Variants in KCNIP2 observed in about 807,000 individuals in gnomAD.
KCNIP2 encodes potassium voltage-gated channel interacting protein 2.
A neutral mutation model predicts 39.0 loss-of-function variants in KCNIP2; 19 were observed. That is an observed-to-expected ratio of 0.49 (90% CI 0.34 to 0.71). The LOEUF (loss-of-function observed/expected upper bound fraction) is 0.71, where lower values mean the gene tolerates loss of function less well. Among genes scored for constraint, KCNIP2 ranks in the 30% least tolerant of loss-of-function variants. KCNIP2 has a pLI of 0.01. For missense variants in KCNIP2, 261 were observed against 346.0 expected, an observed-to-expected ratio of 0.75 and a Z score of 1.95; for synonymous variants, 111 against 131.2, an observed-to-expected ratio of 0.85 and a Z score of 1.05.
chr10:101,827,068 G>A lies in KCNIP2; in HGVS notation c.*285C>T. On this transcript the variant is annotated 3_prime_UTR_variant, in exon 10 of 10. Transcript: ENST00000356640. The stretch of plus-strand genomic sequence containing the variant: ...TTCTAGAGTAGGGGTAGGAGGTGGG[G>A]AACCGCTCAATTCCTACAGGAGGGG... 2.2e-6 allele frequency: 1 copy of A among 452,866 alleles called. No homozygotes were observed. The highest frequency in any genetic ancestry group is 3.5e-6 in the Non-Finnish European group (1 of 287,008). 28.1% of individuals were successfully genotyped at this position (452,866 alleles called of 1,614,324 possible).
At chr10:101,839,960 G>A (rs1288530679) in intron 1 of KCNIP2, 16 of 865,534 alleles carry the variant, frequency 1.8e-5, no homozygotes, top group Non-Finnish European at 2.5e-5. Flanking sequence ...GCAGGCATAG[G>A]ATCGAAACCC....
intron 1 of KCNIP2, chr10:101,839,924 G>T: frequency 7.2e-7 from 1 of 1,385,034 alleles, no homozygotes; most frequent in South Asian, 1.4e-5. Context: ...GTAGGCCCGC[G>T]TGGGCGGCGC....
In KCNIP2 at chr10:101,828,401, C is replaced by A; in HGVS notation, c.477G>T (p.Ser159=). 1 of 1,614,112 alleles carries A rather than the reference C, an allele frequency of 6.2e-7. No individual in the cohort carries two copies. The highest frequency in any genetic ancestry group is 1.1e-5 in the South Asian group (1 of 91,026). ...FNAFDTNHDG[S]VSFEDFVAGL... Reference sequence around the variant, plus strand: ...TCGCCCAGCTCACCTCAAAACTGACCGAGCCATCATGGTTGGTGTCAAAGG... The same window carrying A: ...TCGCCCAGCTCACCTCAAAACTGACAGAGCCATCATGGTTGGTGTCAAAGG... Residue 159 remains serine, a synonymous_variant, in exon 6 of 10, where the codon TCG becomes TCT. Transcript: ENST00000356640. The surrounding 1 kb of genome is among the most constrained non-coding windows in gnomAD (Gnocchi z 6.6).
intron 1 of KCNIP2, among the ~76,000 whole-genome samples, chr10:101,840,250 G>A (rs1200447465): frequency 7.2e-6 from 1 of 138,508 alleles, no homozygotes; most frequent in Admixed American, 7.2e-5. Context: ...CCCGCACCCT[G>A]CACCCCGCCC....
intron 1 of KCNIP2, among the ~76,000 whole-genome samples, chr10:101,833,126 G>T (rs538772829): frequency 1.6e-4 from 24 of 151,994 alleles, no homozygotes; most frequent in Non-Finnish European, 2.9e-4. Flanking sequence ...GTTCTTCCAG[G>T]TATCTACCCT....
rs1468897570 is a variant in KCNIP2, at chr10:101,828,759, C to G, written c.349-63G>C. On this transcript the variant is annotated intron_variant, in intron 4 of 9. Transcript: ENST00000356640. This position sits in a 1 kb window ranked among gnomAD's most constrained non-coding sequence, Gnocchi z 6.6. Reference sequence around the variant, plus strand: ...AATCCCCTTCCGTTCACCGCCCCCACCCTCCATGGCCCAAGACTCCCAGGG... The same window carrying G: ...AATCCCCTTCCGTTCACCGCCCCCAGCCTCCATGGCCCAAGACTCCCAGGG... 1 of 1,613,042 alleles carries G rather than the reference C, an allele frequency of 6.2e-7. No homozygotes were observed.
At position 101,828,328 on chromosome 10, in the gene KCNIP2, TG is replaced by T; in HGVS notation, c.489+60del. 1 of 1,609,956 alleles carries T rather than the reference TG, an allele frequency of 6.2e-7. No homozygotes were observed. ...CCCAACTCCTTCTCTGGGTTTGGCC[TG>T]GAGATCCTGGCCCTGAACTCCAGGA... On this transcript the variant is annotated intron_variant, in intron 6 of 9. Transcript: ENST00000356640. This position sits in a 1 kb window ranked among gnomAD's most constrained non-coding sequence, Gnocchi z 6.6.
At chr10:101,834,268 T>A (rs890245790) in intron 1 of KCNIP2, 13 of 399,072 alleles carry the variant, frequency 3.3e-5, no homozygotes, top group Non-Finnish European at 5.3e-5. Context: ...CTGGATTACC[T>A]TCCAAGGAGA....
At chr10:101,841,095 G>C (rs911760836) in intron 1 of KCNIP2, among the ~76,000 whole-genome samples, 16 of 152,218 alleles carry the variant, frequency 1.1e-4, no homozygotes, top group African/African-American at 3.6e-4. Flanking sequence ...GGCTCGGACT[G>C]TTTTTTGTTT....
At chr10:101,836,114 C>G (rs1209606455) in intron 1 of KCNIP2, among the ~76,000 whole-genome samples, 5 of 152,142 alleles carry the variant, frequency 3.3e-5, no homozygotes, top group Non-Finnish European at 5.9e-5. Context: ...GGGCCAGTCC[C>G]TAAGGCCCCA....
At chr10:101,839,871 C>T in intron 1 of KCNIP2, 1 of 1,564,852 alleles carries the variant, frequency 6.4e-7, no homozygotes, top group Non-Finnish European at 8.6e-7. Flanking sequence ...GTCTAAGCTC[C>T]ACCCCCAGGC....
At chr10:101,839,469 C>A (rs191515960) in intron 1 of KCNIP2, among the ~76,000 whole-genome samples, 3 of 152,274 alleles carry the variant, frequency 2.0e-5, no homozygotes, top group Admixed American at 2.0e-4. Flanking sequence ...AAGGCCCCCT[C>A]CTCTGCCTTC....
At chr10:101,833,223 C>T (rs1348700885) in intron 1 of KCNIP2, among the ~76,000 whole-genome samples, 2 of 150,926 alleles carry the variant, frequency 1.3e-5, no homozygotes, top group Non-Finnish European at 3.0e-5. Context: ...CAGTTCTAGC[C>T]GTGAAGAGGA....
In KCNIP2 at chr10:101,843,307, C is replaced by T. The variant is rs1246643568; in HGVS notation, c.73+189G>A. On this transcript the variant is annotated intron_variant, in intron 1 of 9. Coordinates refer to ENST00000356640, the MANE Select transcript of KCNIP2 (RefSeq NM_173191.3). This position sits in a 1 kb window ranked among gnomAD's most constrained non-coding sequence, Gnocchi z 6.7. ...TGCTGCCTCTCCACACCTGCCTCTTCTGTTCCTCCCCAACCCCTGCGGGAC... is the reference window on the plus strand; with the variant it reads ...TGCTGCCTCTCCACACCTGCCTCTTTTGTTCCTCCCCAACCCCTGCGGGAC... Among the ~76,000 whole-genome samples the T allele has an allele frequency of 6.6e-6, 1 of 152,240 alleles. No individual in the cohort carries two copies.
rs2065789685 is a variant in KCNIP2, at chr10:101,827,692, T to G, written c.762A>C (p.Gln254His). 1.1e-5 allele frequency: 18 copies of G among 1,614,124 alleles called. No individual in the cohort carries two copies. The East Asian group carries it at 3.8e-4, about 34-fold the overall frequency. The change falls in exon 9 of 10, where the codon CAA becomes CAC. Residue 254 changes from glutamine (Q) to histidine (H), a missense_variant. Coordinates refer to ENST00000356640, the MANE Select transcript of KCNIP2 (RefSeq NM_173191.3). ...VTIEEFIESC[Q>H]KDENIMRSMQ... ...TGTAGAGGGCAGGGAGCTGTACCTT[T>G]TGACAAGACTCAATGAATTCCTCAA...
At chr10:101,829,317 C>T (rs565489427) in intron 3 of KCNIP2, 118 bp from the exon 4 acceptor site, 23 of 1,325,252 alleles carry the variant, frequency 1.7e-5, no homozygotes, top group Non-Finnish European at 2.1e-5. Context: ...GGAGACCAGG[C>T]TGCCAGTTCC....
At position 101,827,280 on chromosome 10, in the gene KCNIP2, G is replaced by A. The variant is rs1034498924; in HGVS notation, c.*73C>T. 4 of 1,517,554 alleles carry A rather than the reference G, an allele frequency of 2.6e-6. No homozygotes were observed. Among genetic ancestry groups the A allele is most frequent in the Non-Finnish European group, 3.5e-6 (4 of 1,129,684 alleles). 94.0% of individuals were successfully genotyped at this position (1,517,554 alleles called of 1,614,324 possible). A position where few individuals can be genotyped will look rare whatever the true frequency, so the allele number is the denominator to read the frequency against. On this transcript the variant is annotated 3_prime_UTR_variant, in exon 10 of 10. Coordinates refer to ENST00000356640, the MANE Select transcript of KCNIP2 (RefSeq NM_173191.3). ...TAGGATGAGGATAGACCTGGGAAGAGAAGGGTGAGGTCCGCCTGGACTAGG... is the reference window on the plus strand; with the variant it reads ...TAGGATGAGGATAGACCTGGGAAGAAAAGGGTGAGGTCCGCCTGGACTAGG...
chr10:101,843,422 G>T lies in KCNIP2; in HGVS notation c.73+74C>A. On this transcript the variant is annotated intron_variant, in intron 1 of 9. Transcript: ENST00000356640. This position sits in a 1 kb window ranked among gnomAD's most constrained non-coding sequence, Gnocchi z 6.7. Reference sequence around the variant, plus strand: ...CAGAGTGTGGGTGCGGGCCAGGCCGGGGTCGGAGAGGCGGAAGGGTCTGGA... The same window carrying T: ...CAGAGTGTGGGTGCGGGCCAGGCCGTGGTCGGAGAGGCGGAAGGGTCTGGA... 1.0e-6 allele frequency: 1 copy of T among 996,492 alleles called. No homozygotes were observed. Among genetic ancestry groups the T allele is most frequent in the South Asian group, 2.3e-5 (1 of 43,974 alleles). The allele number at this position is 996,492 out of a possible 1,614,324, so 61.7% of individuals were successfully genotyped here. A position where few individuals can be genotyped will look rare whatever the true frequency, so the allele number is the denominator to read the frequency against.
chr10:101,828,508 C>G lies in KCNIP2; in HGVS notation c.419-49G>C, dbSNP rs760678229. On this transcript the variant is annotated intron_variant, in intron 5 of 9. Transcript: ENST00000356640. The surrounding 1 kb of genome is among the most constrained non-coding windows in gnomAD (Gnocchi z 6.6). ...TGGCTTCCACACAGGAGAGGACTTC[C>G]TCCCTCTAAGGAGCTCCCCATACCC... is the stretch of plus-strand genomic sequence containing the variant. 2.5e-6 allele frequency: 4 copies of G among 1,605,798 alleles called. No individual in the cohort carries two copies. The highest frequency in any genetic ancestry group is 2.7e-5 in the African/African-American group (2 of 74,750).
Sources: gnomAD v4.1 joint callset for allele counts (sites outside exome capture counted in the v4.1 genomes callset) on GRCh38, gnomAD v4.1.1 for gene constraint, Gnocchi (gnomAD v3.1) non-coding constraint, MANE v1.5 for transcripts, NCBI Gene and HGNC (gene_info 2026-07-23, HGNC 2026-07-21) for gene names.